Variants in NRXN3 observed in about 807,000 individuals in gnomAD.
The protein encoded by NRXN3 is neurexin III.
A neutral mutation model predicts 137.6 loss-of-function variants in NRXN3; 32 were observed. The observed-to-expected ratio is 0.23, with a 90% CI of 0.18 to 0.31. The LOEUF is 0.31. Ranked by LOEUF, NRXN3 falls within the 10% of genes least tolerant of loss-of-function variation. The pLI, the probability that NRXN3 is intolerant of heterozygous loss-of-function variation, is 1.00. For synonymous variants in NRXN3, 798 were observed against 784.5 expected, an observed-to-expected ratio of 1.02 and a Z score of -0.29; for missense variants, 1,574 against 2,062.5, an observed-to-expected ratio of 0.76 and a Z score of 4.59.
intron 7 of NRXN3, among the ~76,000 whole-genome samples, chr14:78,712,067 C>G (rs548398095): frequency 7.2e-4 from 109 of 152,296 alleles, no homozygotes; most frequent in African/African-American, 2.6e-3. Flanking sequence ...TAAGTGCATT[C>G]AAAACTGTTA....
intron 1 of NRXN3, among the ~76,000 whole-genome samples, chr14:78,209,036 A>C (rs2062483129): frequency 6.6e-6 from 1 of 152,078 alleles, no homozygotes; most frequent in African/African-American, 2.4e-5. Context: ...TGTCTTGGCC[A>C]CACAGACCTC....
rs866416072 is a variant in NRXN3 at position 78,278,989 on chromosome 14, C to T, written c.727+327C>T. Among the ~76,000 whole-genome samples, 7 of 152,210 alleles carry T rather than the reference C, an allele frequency of 4.6e-5. No homozygotes were observed. The South Asian group carries it at 6.2e-4, about 14-fold the overall frequency. On this transcript the variant is annotated intron_variant, in intron 3 of 20. Transcript: ENST00000335750. The stretch of plus-strand genomic sequence containing the variant: ...ATGTATTCTCCAATTTAATGAACAA[C>T]GTTAGCTTTGTCTTTCACACATCTG...
At chr14:79,796,945 C>T (rs1447184009) in intron 19 of NRXN3, among the ~76,000 whole-genome samples, 7 of 152,086 alleles carry the variant, frequency 4.6e-5, no homozygotes, top group African/African-American at 1.7e-4. Flanking sequence ...GGCAACTAAT[C>T]AGTGTTTTCT....
intron 20 of NRXN3, among the ~76,000 whole-genome samples, chr14:79,811,581 CTTTTT>C (rs370942970): frequency 1.7e-5 from 2 of 116,610 alleles, no homozygotes; most frequent in African/African-American, 6.5e-5. Context: ...TTTCTTTTTT[CTTTTT>C]TTTTTTTTTT....
intron 17 of NRXN3, among the ~76,000 whole-genome samples, chr14:79,682,854 T>TA (rs534223289): frequency 3.2e-4 from 49 of 152,288 alleles, no homozygotes; most frequent in African/African-American, 1.1e-3. Context: ...GCATTTACTC[T>TA]AAAGAGGGAC....
intron 8 of NRXN3, among the ~76,000 whole-genome samples, chr14:78,799,773 CAA>C (rs1343324161): frequency 6.6e-6 from 1 of 152,050 alleles, no homozygotes; most frequent in Non-Finnish European, 1.5e-5. Flanking sequence ...TCATGGTAGA[CAA>C]GAGAGAAAAT....
chr14:79,327,321 A>G (rs1049193423), intron 15 of NRXN3, among the ~76,000 whole-genome samples: 6 of 152,090 alleles, frequency 3.9e-5, no homozygotes, highest in Non-Finnish European at 7.4e-5. Context: ...GTAACCCCCT[A>G]TAGATTCTTG....
chr14:79,237,732 T>C (rs2073639610), intron 15 of NRXN3, among the ~76,000 whole-genome samples: 1 of 152,140 alleles, frequency 6.6e-6, no homozygotes, highest in East Asian at 1.9e-4. Context: ...TTATTGCAAA[T>C]ACCGTCAAAT....
intron 20 of NRXN3, among the ~76,000 whole-genome samples, chr14:79,857,967 G>C (rs554458642): frequency 6.6e-6 from 1 of 152,026 alleles, no homozygotes; most frequent in Non-Finnish European, 1.5e-5. Flanking sequence ...GAAAACTAGA[G>C]ATCAGTAGTT....
At chr14:79,823,691 G>A (rs532339736) in intron 20 of NRXN3, among the ~76,000 whole-genome samples, 1 of 152,308 alleles carries the variant, frequency 6.6e-6, no homozygotes, top group African/African-American at 2.4e-5. Flanking sequence ...TAGGAGACCA[G>A]CAAGGGAAAT....
At chr14:79,749,436 G>GTTT (rs112453553) in intron 19 of NRXN3, among the ~76,000 whole-genome samples, 3 of 148,506 alleles carry the variant, frequency 2.0e-5, no homozygotes, top group African/African-American at 7.4e-5. Flanking sequence ...CTTCAGTGTT[G>GTTT]TTTTTTTTTT....
chr14:78,902,721 G>A (rs2099200816), intron 10 of NRXN3, among the ~76,000 whole-genome samples: 1 of 151,842 alleles, frequency 6.6e-6, no homozygotes, highest in African/African-American at 2.4e-5. Context: ...ATCTATCCTT[G>A]TCTAACTGAG....
At chr14:79,350,738 T>G (rs2093165733) in intron 15 of NRXN3, among the ~76,000 whole-genome samples, 1 of 152,140 alleles carries the variant, frequency 6.6e-6, no homozygotes, top group Admixed American at 6.5e-5. Flanking sequence ...GGGCCATCTC[T>G]GAGCTACATG....
chr14:78,412,154 AG>A (rs1383079293), intron 4 of NRXN3, among the ~76,000 whole-genome samples: 1 of 152,236 alleles, frequency 6.6e-6, no homozygotes, highest in African/African-American at 2.4e-5. Flanking sequence ...GGGACATAAT[AG>A]AGTGACATTT....
intron 11 of NRXN3, among the ~76,000 whole-genome samples, chr14:78,963,331 C>G (rs1356643693): frequency 1.3e-5 from 2 of 152,154 alleles, no homozygotes; most frequent in African/African-American, 2.4e-5. Flanking sequence ...AGAGATTCCC[C>G]ATTCTGACTT....
At chr14:78,739,782 C>A (rs1238631005) in intron 8 of NRXN3, among the ~76,000 whole-genome samples, 1 of 152,166 alleles carries the variant, frequency 6.6e-6, no homozygotes, top group Non-Finnish European at 1.5e-5. Context: ...GTTCCCATCC[C>A]AAAACCAATC....
At chr14:79,162,627 TG>T (rs2060900646) in intron 15 of NRXN3, among the ~76,000 whole-genome samples, 1 of 151,804 alleles carries the variant, frequency 6.6e-6, no homozygotes, top group Non-Finnish European at 1.5e-5. Context: ...ATCAGAGAAA[TG>T]CAAGTCAAAA....
chr14:78,268,317 T>A (rs2153483662), intron 2 of NRXN3, among the ~76,000 whole-genome samples: 1 of 152,348 alleles, frequency 6.6e-6, no homozygotes, highest in African/African-American at 2.4e-5. Flanking sequence ...GTTCACATCT[T>A]GCTGGATGTT....
Position 79,862,072 on chromosome 14 carries a change from A to T in NRXN3, c.*108A>T. 72 of 910,668 alleles carry T rather than the reference A, an allele frequency of 7.9e-5. No homozygotes were observed. The highest frequency in any genetic ancestry group is 2.5e-4 in the Middle Eastern group (1 of 4,012). The allele number at this position is 910,668 out of a possible 1,614,324, so 56.4% of individuals were successfully genotyped here. On this transcript the variant is annotated 3_prime_UTR_variant, in exon 21 of 21. Coordinates refer to ENST00000335750, the MANE Select transcript of NRXN3 (RefSeq NM_001330195.2). ...ATGTCAGAACTGCTGGAACTATGAA[A>T]TGGGGTATATAACCACGACTCTGGT...
Sources: gnomAD v4.1 joint callset for allele counts (sites outside exome capture counted in the v4.1 genomes callset) on GRCh38, gnomAD v4.1.1 for gene constraint, MANE v1.5 for transcripts, NCBI Gene and HGNC (gene_info 2026-07-23, HGNC 2026-07-21) for gene names.